MNAT1: variants seen among roughly 807,000 people sequenced by gnomAD.
MNAT1 encodes the protein MNAT1 component of CDK activating kinase, also known as CDK-activating kinase assembly factor MAT1.
MNAT1 carries 43 observed loss-of-function variants against 42.0 expected under a neutral mutation model. The observed-to-expected ratio is 1.02, with a 90% confidence interval of 0.80 to 1.32. The LOEUF is 1.32. Among genes scored for constraint, MNAT1 ranks in the 40% most tolerant of loss-of-function variants. The probability of loss-of-function intolerance (pLI) is 0.00; values close to 1 mark genes in which losing one functional copy is unlikely to be tolerated. For synonymous variants in MNAT1, 118 were observed against 120.0 expected (o/e 0.98, Z 0.11); for missense variants, 306 against 350.4 (o/e 0.87, Z 1.01).
intron 7 of MNAT1, among the ~76,000 whole-genome samples, chr14:60,889,949 C>G (rs1417044246): frequency 6.6e-6 from 1 of 152,162 alleles, no homozygotes; most frequent in Non-Finnish European, 1.5e-5. Flanking sequence ...AGTCAGGAAA[C>G]AACAGGTGCT....
chr14:60,843,745 A>G (rs2033610298), intron 6 of MNAT1, among the ~76,000 whole-genome samples: 1 of 152,082 alleles, frequency 6.6e-6, no homozygotes, highest in South Asian at 2.1e-4. Context: ...TCTGTGGCTC[A>G]CTTTTTCTTT....
At chr14:60,957,982 C>T (rs1220072600) in intron 7 of MNAT1, among the ~76,000 whole-genome samples, 2 of 152,114 alleles carry the variant, frequency 1.3e-5, no homozygotes, top group Non-Finnish European at 2.9e-5. Flanking sequence ...GGATTACAGG[C>T]ATGCACCACC....
At chr14:60,837,100 TTCA>T (rs1242307974) in intron 6 of MNAT1, among the ~76,000 whole-genome samples, 1 of 152,218 alleles carries the variant, frequency 6.6e-6, no homozygotes, top group African/African-American at 2.4e-5. Context: ...CCAGTTCGAC[TTCA>T]GACTGTTGTG....
intron 7 of MNAT1, among the ~76,000 whole-genome samples, chr14:60,954,850 G>A (rs143917489): frequency 0.017 from 2,612 of 152,170 alleles, 39 homozygotes; most frequent in Middle Eastern, 0.044. Flanking sequence ...GTTAGCTATC[G>A]TATTTTATAT....
chr14:60,741,701 T>C (rs1896471900), intron 1 of MNAT1, among the ~76,000 whole-genome samples: 1 of 121,680 alleles, frequency 8.2e-6, no homozygotes, highest in Non-Finnish European at 1.6e-5. Context: ...AGAGATGGGG[T>C]CTTGCTATGT....
chr14:60,783,388 A>T (rs1410110660), intron 1 of MNAT1, among the ~76,000 whole-genome samples: 1 of 152,228 alleles, frequency 6.6e-6, no homozygotes, highest in Non-Finnish European at 1.5e-5. Flanking sequence ...TTATTTTTAA[A>T]TCATGGTCTT....
At chr14:60,917,718 G>C (rs994964707) in intron 7 of MNAT1, among the ~76,000 whole-genome samples, 2 of 151,734 alleles carry the variant, frequency 1.3e-5, no homozygotes, top group Non-Finnish European at 2.9e-5. Context: ...CACCTCCCGG[G>C]TTCAAGTGAT....
chr14:60,894,723 C>T (rs921245299), intron 7 of MNAT1, among the ~76,000 whole-genome samples: 3 of 151,824 alleles, frequency 2.0e-5, no homozygotes, highest in Non-Finnish European at 2.9e-5. Context: ...GGTGGTAGGG[C>T]CTTCATCAAG....
At chr14:60,755,165 ATT>A (rs869120686) in intron 1 of MNAT1, among the ~76,000 whole-genome samples, 2 of 146,990 alleles carry the variant, frequency 1.4e-5, no homozygotes, top group Non-Finnish European at 1.5e-5. Flanking sequence ...TGCCTACCTA[ATT>A]TTTTTTTTTT....
chr14:60,820,325 T>G, intron 6 of MNAT1, among the ~76,000 whole-genome samples: 1 of 152,116 alleles, frequency 6.6e-6, no homozygotes, highest in East Asian at 1.9e-4. Flanking sequence ...GAGATAATAC[T>G]CTAATTTTAA....
At chr14:60,937,276 G>T (rs1382750192) in intron 7 of MNAT1, among the ~76,000 whole-genome samples, 2 of 152,154 alleles carry the variant, frequency 1.3e-5, no homozygotes. Context: ...ATTGCTTTTG[G>T]TGTTTTAAAC....
rs1456236477 is a variant in MNAT1, at chr14:60,809,760, GTA to G, written c.420+1334_420+1335del. ...ATGTGCAGTTGGATTCAGTTTATAA[GTA>G]TTTTGTTGAGAATTTTTGCATTTTT... On this transcript the variant is annotated intron_variant, in intron 4 of 7. Transcript: ENST00000261245. Among the ~76,000 whole-genome samples, 3 of 152,152 alleles carry G rather than the reference GTA, an allele frequency of 2.0e-5. No homozygotes were observed. In the East Asian group the frequency reaches 5.8e-4, roughly 29 times the overall value.
intron 6 of MNAT1, among the ~76,000 whole-genome samples, chr14:60,833,922 G>A (rs995222455): frequency 6.6e-6 from 1 of 152,136 alleles, no homozygotes; most frequent in African/African-American, 2.4e-5. Context: ...ATGTGTCCAG[G>A]AATTTATCCA....
At chr14:60,817,721 A>G (rs558491789) in intron 5 of MNAT1, among the ~76,000 whole-genome samples, 2 of 152,196 alleles carry the variant, frequency 1.3e-5, no homozygotes, top group East Asian at 3.9e-4. Flanking sequence ...TGTTAACAAT[A>G]GAGTTTCTTC....
chr14:60,872,568 A>T (rs2034349358), intron 6 of MNAT1, among the ~76,000 whole-genome samples: 1 of 151,748 alleles, frequency 6.6e-6, no homozygotes, highest in Admixed American at 6.6e-5. Flanking sequence ...AGACCATATT[A>T]CTTTAACCTT....
intron 1 of MNAT1, among the ~76,000 whole-genome samples, chr14:60,741,658 G>GTTTTTTTTTTTTTTTTT (rs3049888): frequency 7.6e-5 from 7 of 92,022 alleles, no homozygotes; most frequent in Non-Finnish European, 1.0e-4. Flanking sequence ...TGCGCCTGGG[G>GTTTTTTTTTTTTTTTTT]TTTTTTTTTT....
At chr14:60,834,941 C>CTTCCTTCCTTCCTTCCTTCT (rs2033339665) in intron 6 of MNAT1, among the ~76,000 whole-genome samples, 1 of 139,000 alleles carries the variant, frequency 7.2e-6, no homozygotes, top group African/African-American at 2.8e-5. Flanking sequence ...TCCTTCCTTC[C>CTTCCTTCCTTCCTTCCTTCT]TTCCTTCCTT....
intron 6 of MNAT1, among the ~76,000 whole-genome samples, chr14:60,863,059 T>C (rs764566926): frequency 2.0e-5 from 3 of 151,814 alleles, no homozygotes; most frequent in Non-Finnish European, 1.5e-5. Context: ...GATTCGAAAT[T>C]TAACAACAAC....
At chr14:60,907,220 G>T (rs1301274712) in intron 7 of MNAT1, among the ~76,000 whole-genome samples, 3 of 152,126 alleles carry the variant, frequency 2.0e-5, no homozygotes, top group African/African-American at 7.2e-5. Context: ...GGATCATGAG[G>T]TCCAGAGTTC....
Sources: gnomAD v4.1 joint callset for allele counts (sites outside exome capture counted in the v4.1 genomes callset) on GRCh38, gnomAD v4.1.1 for gene constraint, MANE v1.5 for transcripts, NCBI Gene and HGNC (gene_info 2026-07-23, HGNC 2026-07-21) for gene names.